CCDC197: variants seen among roughly 807,000 people sequenced by gnomAD.
CCDC197 encodes uncharacterized protein CCDC197.
Under a neutral mutation model 13.4 loss-of-function variants are expected in CCDC197, and 24 were observed. The observed-to-expected ratio is 1.80, with a 90% CI of 1.30 to 2.53. The LOEUF (loss-of-function observed/expected upper bound fraction) is 2.53. CCDC197 is among the 30% of genes most tolerant of loss of function. The pLI is 0.00. For synonymous variants in CCDC197, 99 were observed against 55.5 expected (o/e 1.78, Z -3.48); for missense variants, 255 against 148.8 (o/e 1.71, Z -3.71).
chr14:94,001,796 G>A (rs1027198168), intron 4 of CCDC197: 2 of 153,216 alleles, frequency 1.3e-5, no homozygotes, highest in African/African-American at 4.8e-5. Flanking sequence ...TCCGCTGGGA[G>A]GGATGGGCAC....
chr14:94,001,971 G>A (rs1244169237), intron 4 of CCDC197, among the ~76,000 whole-genome samples: 2 of 152,208 alleles, frequency 1.3e-5, no homozygotes, highest in Non-Finnish European at 2.9e-5. Flanking sequence ...CCTAGTGGCA[G>A]CGCTGCAAGC....
chr14:94,007,174 G>A (rs979624818), intron 6 of CCDC197: 1 of 152,184 alleles, frequency 6.6e-6, no homozygotes, highest in African/African-American at 2.4e-5. Context: ...TGTCCTTTAG[G>A]AGTCATATCT....
chr14:93,989,002 G>A (rs550186704), intron 1 of CCDC197, among the ~76,000 whole-genome samples: 18 of 152,082 alleles, frequency 1.2e-4, no homozygotes, highest in South Asian at 8.3e-4. Flanking sequence ...AGTGCGGGAC[G>A]CTGTGTGCCT....
chr14:94,007,754 C>T (rs907365839), intron 6 of CCDC197, among the ~76,000 whole-genome samples: 5 of 152,198 alleles, frequency 3.3e-5, no homozygotes, highest in Non-Finnish European at 7.3e-5. Context: ...TAAGTCAGAA[C>T]TTGCTTACCT....
intron 2 of CCDC197, among the ~76,000 whole-genome samples, chr14:93,998,443 G>A (rs1567042121): frequency 6.6e-6 from 1 of 152,222 alleles, no homozygotes; most frequent in Non-Finnish European, 1.5e-5. Context: ...CCTTTGGCCT[G>A]AGATCTTGGG....
At chr14:94,002,215 CGTCT>C (rs944019252) in intron 4 of CCDC197, among the ~76,000 whole-genome samples, 6 of 152,196 alleles carry the variant, frequency 3.9e-5, no homozygotes, top group East Asian at 1.9e-4. Context: ...GTATGTCCTG[CGTCT>C]GTCTTTCTCT....
chr14:93,998,828 C>T (rs745617421), intron 2 of CCDC197, among the ~76,000 whole-genome samples: 6 of 152,150 alleles, frequency 3.9e-5, no homozygotes, highest in African/African-American at 7.2e-5. Context: ...CAGAATCATA[C>T]GGATGAGAGA....
At chr14:94,009,903 A>G (rs1482807841), downstream of CCDC197, among the ~76,000 whole-genome samples, 3 of 152,222 alleles carry the variant, frequency 2.0e-5, no homozygotes, top group Non-Finnish European at 4.4e-5. Context: ...ATTCAGCTCT[A>G]GAGGTCAGCT....
Position 94,001,145 on chromosome 14 carries a change from G to T in CCDC197, c.188G>T (p.Gly63Val). ...TCCCGCCATGGCGCTGTCTCCGTAG[G>T]CTGCACGGGATGGGAGGAGCCGGAG... ...LIKVLEKIPE[G>V]CTGWEEPEEV... Residue 63 changes from glycine (G) to valine (V), a missense_variant and splice_region_variant, in exon 4 of 7, where the codon GGC (glycine) becomes GTC (valine). Physicochemically the swap from Gly to Val is moderately radical, Grantham distance 109 (BLOSUM62 -3). Transcript: ENST00000636493. The T allele has an allele frequency of 2.6e-6, 2 of 777,190 alleles. No homozygotes were observed. Among genetic ancestry groups the T allele is most frequent in the Non-Finnish European group, 4.8e-6 (2 of 416,418 alleles). 48.1% of individuals were successfully genotyped at this position (777,190 alleles called of 1,614,324 possible). A position where few individuals can be genotyped will look rare whatever the true frequency, so the allele number is the denominator to read the frequency against.
intron 2 of CCDC197, 72 bp downstream of exon 2, chr14:93,998,307 G>T (rs921985003): frequency 2.7e-6 from 2 of 734,296 alleles, no homozygotes; most frequent in Non-Finnish European, 5.1e-6. Context: ...GCTGGACTTA[G>T]CAAACATGTC....
intron 2 of CCDC197, among the ~76,000 whole-genome samples, chr14:93,998,497 G>A (rs1890391083): frequency 1.3e-5 from 2 of 152,184 alleles, no homozygotes. Context: ...CATCAGGAAG[G>A]AGGACTGTGG....
chr14:94,008,753 T>C lies in CCDC197; in HGVS notation c.760T>C (p.Ser254Pro), dbSNP rs1595358662. 1.4e-6 allele frequency: 1 copy of C among 702,724 alleles called. No individual in the cohort carries two copies. Among genetic ancestry groups the C allele is most frequent in the East Asian group, 2.7e-5 (1 of 37,290 alleles). 43.5% of individuals were successfully genotyped at this position (702,724 alleles called of 1,614,324 possible). ...CAGGAAATGTCCAAGGAGGCGGGTT[T>C]CCACCCCCAGGACCCCCTTTCCCAG... ...PFRKCPRRRV[S>P]TPRTPFPSPH... is the part of the protein sequence containing the mutation. The change falls in exon 7 of 7, where the codon TCC becomes CCC. Residue 254 changes from serine (S) to proline (P), a missense_variant. Transcript: ENST00000636493.
rs145629280 is a variant in CCDC197 at position 94,006,546 on chromosome 14, G to A, written c.615+1575G>A. On this transcript the variant is annotated intron_variant, in intron 6 of 6. Coordinates refer to ENST00000636493, the MANE Select transcript of CCDC197 (RefSeq NM_001351596.2). The stretch of plus-strand genomic sequence containing the variant: ...TAAGTTTTGTATTTCTATTAGAGAC[G>A]GGGTTTCACCATGTTGGCCAGGCTG... 1.3e-3 allele frequency among the ~76,000 whole-genome samples: 197 copies of A among 151,846 alleles called. 6 individuals are homozygous for A. In the South Asian group the frequency reaches 0.018, roughly 14 times the overall value.
intron 2 of CCDC197, 100 bp downstream of exon 2, chr14:93,998,335 A>G: frequency 1.3e-5 from 9 of 697,080 alleles, no homozygotes; most frequent in Non-Finnish European, 1.6e-5. Context: ...AGGCCAGGAC[A>G]GGGGGTGGAT....
In CCDC197 at chr14:94,001,316, T is replaced by C. The variant is rs1256469791; in HGVS notation, c.359T>C (p.Leu120Pro). The stretch of plus-strand genomic sequence containing the variant: ...TCTCTGGAGGAGGACCACAGGGCTC[T>C]CATGTTGGTAACAGCTGCTTGAAGT... Reference protein sequence around the residue: ...LESLEEDHRALMLSLKIRLCQ... With the variant: ...LESLEEDHRAPMLSLKIRLCQ... Residue 120 changes from leucine (L) to proline (P), a missense_variant, in exon 4 of 7, where the codon CTC (leucine) becomes CCC (proline). Leu to Pro is a moderately conservative substitution (Grantham distance 98, BLOSUM62 -3). Coordinates refer to ENST00000636493, the MANE Select transcript of CCDC197 (RefSeq NM_001351596.2). 1.3e-6 allele frequency: 1 copy of C among 771,898 alleles called. No homozygotes were observed. The highest frequency in any genetic ancestry group is 2.4e-6 in the Non-Finnish European group (1 of 412,952). 47.8% of individuals were successfully genotyped at this position (771,898 alleles called of 1,614,324 possible).
chr14:94,004,718 A>G (rs970507197), intron 5 of CCDC197, 137 bp from the exon 6 acceptor site: 1 of 606,272 alleles, frequency 1.6e-6, no homozygotes, highest in Non-Finnish European at 3.0e-6. Context: ...GGAGAGGAAT[A>G]TAGACCATGA....
chr14:93,990,039 C>G (rs1890180028), intron 1 of CCDC197, among the ~76,000 whole-genome samples: 2 of 152,142 alleles, frequency 1.3e-5, no homozygotes, highest in Non-Finnish European at 2.9e-5. Context: ...CCATTGAATC[C>G]CTCTCACCCA....
upstream of CCDC197, among the ~76,000 whole-genome samples, chr14:93,992,721 C>A (rs369647180): frequency 1.3e-3 from 191 of 152,322 alleles, 6 homozygotes; most frequent in South Asian, 0.038. Flanking sequence ...CACGGGAAGG[C>A]CCTGTCTTGG....
intron 2 of CCDC197, 162 bp from the exon 3 acceptor site, chr14:93,999,421 G>T: frequency 1.7e-6 from 1 of 597,026 alleles, no homozygotes; most frequent in Non-Finnish European, 3.0e-6. Context: ...GTGAAATGAA[G>T]GTGCAGAGAC....
Sources: gnomAD v4.1 joint callset for allele counts (sites outside exome capture counted in the v4.1 genomes callset) on GRCh38, gnomAD v4.1.1 for gene constraint, MANE v1.5 for transcripts, NCBI Gene and HGNC (gene_info 2026-07-23, HGNC 2026-07-21) for gene names.